Variants in BNC2 observed in about 807,000 individuals in gnomAD.
BNC2 encodes the protein basonuclin zinc finger protein 2.
A neutral mutation model predicts 76.3 loss-of-function variants in BNC2; 20 were observed. That is an observed-to-expected ratio of 0.26 (90% CI 0.18 to 0.38). The LOEUF (loss-of-function observed/expected upper bound fraction) is 0.38. Among genes scored for constraint, BNC2 ranks in the 10% least tolerant of loss-of-function variants. BNC2 has a pLI of 1.00. For synonymous variants in BNC2, 582 were observed against 514.8 expected (o/e 1.13, Z -1.77); for missense variants, 1,382 against 1,399.8 (o/e 0.99, Z 0.20).
At chr9:16,708,804 C>G (rs1056989232) in intron 3 of BNC2, among the ~76,000 whole-genome samples, 1 of 152,018 alleles carries the variant, frequency 6.6e-6, no homozygotes. Flanking sequence ...CACAACAAAA[C>G]AGTGGATCAG....
intron 5 of BNC2, among the ~76,000 whole-genome samples, chr9:16,479,249 C>CAA (rs772198451): frequency 3.5e-4 from 23 of 65,082 alleles, no homozygotes; most frequent in African/African-American, 1.5e-3. Context: ...GACTCTGTCT[C>CAA]AAAAAAAAAA....
At chr9:16,838,868 C>A (rs1018026627) in intron 1 of BNC2, among the ~76,000 whole-genome samples, 1 of 152,140 alleles carries the variant, frequency 6.6e-6, no homozygotes, top group East Asian at 1.9e-4. Flanking sequence ...TCCTGACCCA[C>A]AGTAAGGACA....
At chr9:16,793,265 C>G (rs57058581) in intron 1 of BNC2, among the ~76,000 whole-genome samples, 2,576 of 152,218 alleles carry the variant, frequency 0.017, 70 homozygotes, top group African/African-American at 0.058. Context: ...TCATAACAAT[C>G]CAAAGCCGAA....
intron 5 of BNC2, among the ~76,000 whole-genome samples, chr9:16,499,335 T>G (rs1387229976): frequency 6.6e-6 from 1 of 152,076 alleles, no homozygotes; most frequent in Non-Finnish European, 1.5e-5. Context: ...CCAGAGCCTA[T>G]GTTTAGAAAT....
intron 3 of BNC2, among the ~76,000 whole-genome samples, chr9:16,717,466 A>G (rs890368867): frequency 2.0e-5 from 3 of 152,226 alleles, no homozygotes; most frequent in African/African-American, 7.2e-5. Flanking sequence ...TGCCTTTTAT[A>G]CCATCTTAGA....
intron 5 of BNC2, among the ~76,000 whole-genome samples, chr9:16,548,032 A>C (rs887986129): frequency 8.5e-5 from 13 of 152,274 alleles, no homozygotes; most frequent in Middle Eastern, 3.4e-3. Context: ...TAAGACACAG[A>C]AGAGTTGAGA....
At chr9:16,791,449 G>C (rs904942688) in intron 1 of BNC2, among the ~76,000 whole-genome samples, 7 of 152,100 alleles carry the variant, frequency 4.6e-5, no homozygotes, top group Admixed American at 6.6e-5. Context: ...ACTGAAAATT[G>C]TGTATATTAA....
intron 6 of BNC2, among the ~76,000 whole-genome samples, chr9:16,434,295 T>A (rs1360213744): frequency 6.6e-6 from 1 of 152,208 alleles, no homozygotes; most frequent in African/African-American, 2.4e-5. Flanking sequence ...AAACTGAATA[T>A]TCCAGGGACA....
At chr9:16,667,667 T>C (rs1822340862) in intron 3 of BNC2, among the ~76,000 whole-genome samples, 2 of 152,178 alleles carry the variant, frequency 1.3e-5, no homozygotes, top group Admixed American at 1.3e-4. Flanking sequence ...ACAAGAAATG[T>C]TTTGAAACCA....
intron 5 of BNC2, among the ~76,000 whole-genome samples, chr9:16,440,124 C>G (rs1821096252): frequency 6.6e-6 from 1 of 152,112 alleles, no homozygotes; most frequent in South Asian, 2.1e-4. Flanking sequence ...TCATTTCACC[C>G]CTATCGTAAC....
At chr9:16,506,511 C>CTTTTT (rs1563814965) in intron 5 of BNC2, among the ~76,000 whole-genome samples, 53 of 81,442 alleles carry the variant, frequency 6.5e-4, no homozygotes, top group African/African-American at 2.5e-3. Flanking sequence ...TCTCTCTCTC[C>CTTTTT]TCTTTTTTTT....
chr9:16,457,595 C>G lies in BNC2; in HGVS notation c.670-20071G>C, dbSNP rs531352665. ...TGAGGTGCTGTCTACAAGGGAAGCT[C>G]ATTTGCAACTCAGTGCCCACAGTTT... On this transcript the variant is annotated intron_variant, in intron 5 of 6. Coordinates refer to ENST00000380672, the MANE Select transcript of BNC2 (RefSeq NM_017637.6). Among the ~76,000 whole-genome samples the G allele has an allele frequency of 5.9e-5, 9 of 152,298 alleles. No homozygotes were observed. In the East Asian group the frequency reaches 1.5e-3, roughly 26 times the overall value.
At chr9:16,706,194 C>T (rs772407875) in intron 3 of BNC2, among the ~76,000 whole-genome samples, 1 of 152,154 alleles carries the variant, frequency 6.6e-6, no homozygotes, top group East Asian at 1.9e-4. Context: ...CCCCAAAATA[C>T]CCCTTTCTTC....
chr9:16,861,357 CT>C (rs1819407016), intron 1 of BNC2, among the ~76,000 whole-genome samples: 2 of 151,776 alleles, frequency 1.3e-5, no homozygotes, highest in Admixed American at 1.3e-4. Context: ...GACCCTGTCT[CT>C]TTAAAAATAA....
intron 1 of BNC2, among the ~76,000 whole-genome samples, chr9:16,809,746 C>A (rs1818000466): frequency 6.6e-6 from 1 of 151,940 alleles, no homozygotes; most frequent in South Asian, 2.1e-4. Flanking sequence ...CCACTGCACT[C>A]CAGCCTGGCG....
intron 1 of BNC2, among the ~76,000 whole-genome samples, chr9:16,813,304 C>T (rs1363822814): frequency 1.3e-5 from 2 of 151,320 alleles, no homozygotes; most frequent in African/African-American, 2.4e-5. Flanking sequence ...CTGGCTCTGT[C>T]GCCCAGGCTG....
At position 16,436,863 on chromosome 9, in the gene BNC2, T is replaced by C; in HGVS notation, c.1331A>G (p.Asn444Ser). Residue 444 changes from asparagine (N) to serine (S), a missense_variant, in exon 6 of 7, where the codon AAT (asparagine) becomes AGT (serine). Around this residue, in one of 3 missense-constraint regions of BNC2, gnomAD observed 27 missense variants for 83.4 expected, o/e 0.32. Coordinates refer to ENST00000380672, the MANE Select transcript of BNC2 (RefSeq NM_017637.6). Reference protein sequence around the residue: ...SASRKGRVFCNACGKTFYDKG... With the variant: ...SASRKGRVFCSACGKTFYDKG... ...GTCATAGAATGTCTTCCCACATGCATTACAGAACACTCTTCCTTTCCTAGA... is the reference window on the plus strand; with the variant it reads ...GTCATAGAATGTCTTCCCACATGCACTACAGAACACTCTTCCTTTCCTAGA... 6.2e-7 allele frequency: 1 copy of C among 1,614,136 alleles called. No homozygotes were observed. Among genetic ancestry groups the C allele is most frequent in the Non-Finnish European group, 8.5e-7 (1 of 1,180,026 alleles).
At chr9:16,837,293 C>T (rs1818729342) in intron 1 of BNC2, among the ~76,000 whole-genome samples, 1 of 152,150 alleles carries the variant, frequency 6.6e-6, no homozygotes, top group African/African-American at 2.4e-5. Flanking sequence ...ATCACCAGGT[C>T]AGGCATTCGA....
At chr9:16,634,274 T>C (rs921343803) in intron 3 of BNC2, among the ~76,000 whole-genome samples, 16 of 152,226 alleles carry the variant, frequency 1.1e-4, no homozygotes, top group African/African-American at 3.6e-4. Flanking sequence ...TCCTCTATTA[T>C]TAAGTTCTGA....
Sources: allele counts gnomAD v4.1 joint callset (sites outside exome capture counted in the v4.1 genomes callset), GRCh38; gene constraint gnomAD v4.1.1; regional missense constraint gnomAD v4.1.1; transcripts MANE v1.5; gene names NCBI Gene and HGNC (gene_info 2026-07-23, HGNC 2026-07-21).